EPS8L3: variants seen among roughly 807,000 people sequenced by gnomAD.
The protein encoded by EPS8L3 is epidermal growth factor receptor kinase substrate 8-like protein 3.
A neutral mutation model predicts 88.5 loss-of-function variants in EPS8L3; 80 were observed. The observed-to-expected ratio is 0.90, with a 90% confidence interval of 0.75 to 1.09. The LOEUF (loss-of-function observed/expected upper bound fraction) is 1.09, where lower values mean the gene tolerates loss of function less well. Ranked by LOEUF, EPS8L3 falls within the 50% of genes least tolerant of loss-of-function variation. The pLI, the probability that EPS8L3 is intolerant of heterozygous loss-of-function variation, is 0.00. For synonymous variants in EPS8L3, 286 were observed against 291.0 expected, an observed-to-expected ratio of 0.98 and a Z score of 0.18; for missense variants, 721 against 735.2, an observed-to-expected ratio of 0.98 and a Z score of 0.22.
chr1:109,750,724 A>G lies in EPS8L3; in HGVS notation c.1706T>C (p.Met569Thr). 2 of 1,614,178 alleles carry G rather than the reference A, an allele frequency of 1.2e-6. No individual in the cohort carries two copies. Among genetic ancestry groups the G allele is most frequent in the Non-Finnish European group, 1.7e-6 (2 of 1,180,032 alleles). ...TCGTGGGGCCTCCTGTGGACATAGC[A>G]TCTGTAGCTCCCCAGGTCTTATGCG... The part of the protein sequence containing the change: ...LLRIRPGELQ[M>T]LCPQEAPRIL... The change falls in exon 18 of 19, where the codon ATG (methionine) becomes ACG (threonine). Residue 569 changes from methionine (M) to threonine (T), a missense_variant. Transcript: ENST00000361965.
chr1:109,757,022 A>G lies in EPS8L3; in HGVS notation c.1113T>C (p.Thr371=). Residue 371 remains threonine (T), a synonymous_variant, in exon 12 of 19, where the codon ACT becomes ACC. Coordinates refer to ENST00000361965, the MANE Select transcript of EPS8L3 (RefSeq NM_133181.4). ...LWMGLGPAWT[T]SRADWTGDEP... is the part of the protein sequence containing the mutation. ...CAGGCTTTGTCTTCACTCACCGGCT[A>G]GTGGTCCAGGCTGGGCCCAACCCCA... 1.2e-6 allele frequency: 2 copies of G among 1,614,208 alleles called. No homozygotes were observed. Among genetic ancestry groups the G allele is most frequent in the South Asian group, 1.1e-5 (1 of 91,090 alleles).
chr1:109,757,340 C>T lies in EPS8L3; in HGVS notation c.969+141G>A, dbSNP rs143608256. 1.1e-4 allele frequency: 119 copies of T among 1,118,500 alleles called. No homozygotes were observed. In the Admixed American group the frequency reaches 1.3e-3, roughly 12 times the overall value. 69.3% of individuals were successfully genotyped at this position (1,118,500 alleles called of 1,614,324 possible). A position where few individuals can be genotyped will look rare whatever the true frequency, so the allele number is the denominator to read the frequency against. Reference sequence around the variant, plus strand: ...CTTCCTGTCTCCCTTAGAGCCTTGGCGTCCTTGGCTCTGACCCCAGCTCAT... The same window carrying T: ...CTTCCTGTCTCCCTTAGAGCCTTGGTGTCCTTGGCTCTGACCCCAGCTCAT... On this transcript the variant is annotated intron_variant, in intron 11 of 18. Transcript: ENST00000361965.
Position 109,757,167 on chromosome 1 carries a change from T to C in EPS8L3, c.970-2A>G. On this transcript the variant is annotated splice_acceptor_variant, in intron 11 of 18. Transcript: ENST00000361965. LOFTEE classifies it high-confidence loss of function. ...AGCCTCAGGGCACCTGGCCAGGATCTAGGGGAGAGATGGAAGGTGTCAGGA... is the reference window on the plus strand; with the variant it reads ...AGCCTCAGGGCACCTGGCCAGGATCCAGGGGAGAGATGGAAGGTGTCAGGA... 1 of 1,605,458 alleles carries C rather than the reference T, an allele frequency of 6.2e-7. No homozygotes were observed. Among genetic ancestry groups the C allele is most frequent in the Non-Finnish European group, 8.5e-7 (1 of 1,174,978 alleles).
rs765284080 is a variant in EPS8L3, at chr1:109,759,100, G to T, written c.423C>A (p.Thr141=). Residue 141 remains threonine, a synonymous_variant, in exon 6 of 19, where the codon ACC becomes ACA. Transcript: ENST00000361965. The surrounding 1 kb of genome is among the most constrained non-coding windows in gnomAD (Gnocchi z 4.2). The part of the protein sequence containing the change: ...CQEVGAERLK[T]SLQKALEEEL... ...CTTCCTCCAGAGCCTTCTGCAGGCT[G>T]GTCTTCAGTCGCTCTGCCTGGGAAG... The T allele has an allele frequency of 1.8e-5, 29 of 1,610,996 alleles. No homozygotes were observed. Among genetic ancestry groups the T allele is most frequent in the Non-Finnish European group, 1.7e-6 (2 of 1,179,328 alleles).
chr1:109,750,863 A>C, intron 17 of EPS8L3, 71 bp from the exon 18 acceptor site: 1 of 1,582,162 alleles, frequency 6.3e-7, no homozygotes, highest in Non-Finnish European at 8.6e-7. Flanking sequence ...TTGGGCAGAG[A>C]CAGGGCTCTT....
At chr1:109,752,751 A>G in intron 13 of EPS8L3, 31 bp from the exon 14 acceptor site, 1 of 1,545,754 alleles carries the variant, frequency 6.5e-7, no homozygotes, top group South Asian at 1.2e-5. Context: ...AGTGAGTAAG[A>G]GCAGGAGGCA....
rs1209443136 is a variant in EPS8L3 at position 109,752,126 on chromosome 1, G to A, written c.1303C>T (p.Gln435Ter). 3 of 1,614,188 alleles carry A rather than the reference G, an allele frequency of 1.9e-6. No individual in the cohort carries two copies. The highest frequency in any genetic ancestry group is 2.2e-5 in the South Asian group (2 of 91,084). Residue 435 changes from glutamine (Q) to a stop codon, truncating the protein, a stop_gained, in exon 15 of 19, where the codon CAG (glutamine) becomes TAG (stop). Coordinates refer to ENST00000361965, the MANE Select transcript of EPS8L3 (RefSeq NM_133181.4). LOFTEE classifies it high-confidence loss of function. ...GGCCTGGAGTTGGGGTCCCCAGGCT[G>A]AGGGTCATGGTTGTGTGTCTTCTCC... Reference protein sequence around the residue: ...PQEKTHNHDPQPGDPNSRPSS... With the variant: ...PQEKTHNHDP
At chr1:109,752,784 G>A (rs886971455) in intron 13 of EPS8L3, 64 bp from the exon 14 acceptor site, 36 of 1,435,544 alleles carry the variant, frequency 2.5e-5, no homozygotes, top group Non-Finnish European at 3.4e-5. Flanking sequence ...GGAGGGAGCT[G>A]GGGTATCCGA....
chr1:109,763,648 C>T (rs1345934535), intron 1 of EPS8L3, among the ~76,000 whole-genome samples, 174 bp downstream of exon 1: 2 of 152,198 alleles, frequency 1.3e-5, no homozygotes, highest in Non-Finnish European at 2.9e-5. Flanking sequence ...CTCTGCTTTC[C>T]AGCCCACCAG....
At chr1:109,753,073 G>C in intron 13 of EPS8L3, 44 bp downstream of exon 13, 1 of 1,530,972 alleles carries the variant, frequency 6.5e-7, no homozygotes, top group Non-Finnish European at 9.0e-7. Flanking sequence ...AAACTAGCCA[G>C]GGACTAGGGC....
chr1:109,757,932 C>T lies in EPS8L3; in HGVS notation c.832+12G>A. 1 of 1,613,964 alleles carries T rather than the reference C, an allele frequency of 6.2e-7. No homozygotes were observed. Among genetic ancestry groups the T allele is most frequent in the Non-Finnish European group, 8.5e-7 (1 of 1,179,804 alleles). ...ACACCCCTACTCCTCTTCCCTGGCCCTCAGTACTCACCTCCCTGGTCCTTG... is the reference window on the plus strand; with the variant it reads ...ACACCCCTACTCCTCTTCCCTGGCCTTCAGTACTCACCTCCCTGGTCCTTG... On this transcript the variant is annotated intron_variant, in intron 9 of 18. Coordinates refer to ENST00000361965, the MANE Select transcript of EPS8L3 (RefSeq NM_133181.4).
At chr1:109,761,347 G>C in intron 3 of EPS8L3, 148 bp downstream of exon 3, 1 of 678,606 alleles carries the variant, frequency 1.5e-6, no homozygotes, top group Non-Finnish European at 2.5e-6. Flanking sequence ...AGGCTTGTTG[G>C]ATCTGAGTCC....
rs1459314060 is a variant in EPS8L3 at position 109,759,121 on chromosome 1, G to A, written c.406-4C>T. 6.2e-7 allele frequency: 1 copy of A among 1,611,794 alleles called. No individual in the cohort carries two copies. Among genetic ancestry groups the A allele is most frequent in the Non-Finnish European group, 8.5e-7 (1 of 1,179,670 alleles). On this transcript the variant is annotated splice_region_variant and splice_polypyrimidine_tract_variant and intron_variant, in intron 5 of 18. Coordinates refer to ENST00000361965, the MANE Select transcript of EPS8L3 (RefSeq NM_133181.4). This position sits in a 1 kb window ranked among gnomAD's most constrained non-coding sequence, Gnocchi z 4.2. The stretch of plus-strand genomic sequence containing the variant: ...GGCTGGTCTTCAGTCGCTCTGCCTG[G>A]GAAGCAGCAGTCAGGCAGGCTAAGT...
chr1:109,761,178 G>C (rs1037182293), intron 3 of EPS8L3: 26 of 302,110 alleles, frequency 8.6e-5, no homozygotes, highest in African/African-American at 5.0e-4. Flanking sequence ...AGACAGGGGA[G>C]GGTAGGTGGG....
At position 109,750,238 on chromosome 1, in the gene EPS8L3, C is replaced by A. The variant is rs1649654996; in HGVS notation, c.*153G>T. Reference sequence around the variant, plus strand: ...GAAGGGACACTGTTTGCTTCAGCCTCTGGGCCTGTCCATTGTTTTTGCTGT... The same window carrying A: ...GAAGGGACACTGTTTGCTTCAGCCTATGGGCCTGTCCATTGTTTTTGCTGT... On this transcript the variant is annotated 3_prime_UTR_variant, in exon 19 of 19. Coordinates refer to ENST00000361965, the MANE Select transcript of EPS8L3 (RefSeq NM_133181.4). 1 of 898,864 alleles carries A rather than the reference C, an allele frequency of 1.1e-6. No homozygotes were observed. The highest frequency in any genetic ancestry group is 1.7e-5 in the African/African-American group (1 of 59,976). The allele number at this position is 898,864 out of a possible 1,614,324, so 55.7% of individuals were successfully genotyped here.
Position 109,758,682 on chromosome 1 carries a change from G to A in EPS8L3, c.462-19C>T. The A allele has an allele frequency of 6.5e-7, 1 of 1,541,058 alleles. No homozygotes were observed. The highest frequency in any genetic ancestry group is 1.2e-5 in the South Asian group (1 of 80,444). On this transcript the variant is annotated intron_variant, in intron 6 of 18. Coordinates refer to ENST00000361965, the MANE Select transcript of EPS8L3 (RefSeq NM_133181.4). ...TCGAGGTCTGCTGAGGACATGGTAG[G>A]GGCCACATCTTTGACAAGGTTCTTT...
At chr1:109,760,819 C>A (rs1650840492) in intron 3 of EPS8L3, among the ~76,000 whole-genome samples, 1 of 152,092 alleles carries the variant, frequency 6.6e-6, no homozygotes, top group Admixed American at 6.5e-5. Context: ...ATGGCTTCTA[C>A]CCCAGAGCTC....
chr1:109,758,503 GC>G lies in EPS8L3; in HGVS notation c.601+20del. 1 of 1,560,162 alleles carries G rather than the reference GC, an allele frequency of 6.4e-7. No individual in the cohort carries two copies. Among genetic ancestry groups the G allele is most frequent in the Non-Finnish European group, 8.7e-7 (1 of 1,153,792 alleles). ...TTCATCGAAACCCTCTCCTTCACCT[GC>G]CCCCATGCCCCAAACTTACTGTGCT... On this transcript the variant is annotated intron_variant, in intron 7 of 18. Coordinates refer to ENST00000361965, the MANE Select transcript of EPS8L3 (RefSeq NM_133181.4).
chr1:109,751,579 C>G, intron 16 of EPS8L3, 75 bp downstream of exon 16: 1 of 1,600,854 alleles, frequency 6.2e-7, no homozygotes, highest in Non-Finnish European at 8.5e-7. Flanking sequence ...ATCTCCTCTG[C>G]TTGCCACTGA....
Sources: allele counts gnomAD v4.1 joint callset (sites outside exome capture counted in the v4.1 genomes callset), GRCh38; gene constraint gnomAD v4.1.1; non-coding constraint Gnocchi (gnomAD v3.1); transcripts MANE v1.5; gene names NCBI Gene and HGNC (gene_info 2026-07-23, HGNC 2026-07-21).